Variants in PCDH11X observed in about 807,000 individuals in gnomAD.
The protein encoded by PCDH11X is protocadherin-11 X-linked.
Under a neutral mutation model 53.3 loss-of-function variants are expected in PCDH11X, and 18 were observed. That is an observed-to-expected ratio of 0.34 (90% confidence interval 0.23 to 0.50). PCDH11X has a LOEUF of 0.50. PCDH11X is among the 20% of genes least tolerant of loss of function. The pLI, the probability that PCDH11X is intolerant of heterozygous loss-of-function variation, is 0.98. For missense variants in PCDH11X, 570 were observed against 1,032.4 expected (o/e 0.55, Z 6.14); for synonymous variants, 279 against 393.3 (o/e 0.71, Z 3.44).
At chrX:92,271,397 C>T (rs1439488973) in intron 8 of PCDH11X, among the ~76,000 whole-genome samples, 2 of 111,657 alleles carry the variant, frequency 1.8e-5, no homozygotes, top group Non-Finnish European at 3.8e-5. Flanking sequence ...AAGGCACAAA[C>T]AAAGCAAGAA....
intron 6 of PCDH11X, among the ~76,000 whole-genome samples, chrX:91,972,624 T>C (rs2061980427): frequency 9.4e-6 from 1 of 106,260 alleles, no homozygotes; most frequent in African/African-American, 3.4e-5. Context: ...TTGATTTTTG[T>C]ATAAGGTGTA....
At chrX:92,524,428 C>T (rs947178047) in intron 10 of PCDH11X, among the ~76,000 whole-genome samples, 3 of 102,004 alleles carry the variant, frequency 2.9e-5, no homozygotes, top group Non-Finnish European at 4.0e-5. Context: ...TATAGTAAAA[C>T]GAATGAGACA....
chrX:92,618,995 G>T lies in PCDH11X; in HGVS notation c.*55G>T, dbSNP rs1928295276. Reference sequence around the variant, plus strand: ...AAAGATGTATATAGTCAAAATTTAAGATACAATTCCAATGAGTATTCTGAT... The same window carrying T: ...AAAGATGTATATAGTCAAAATTTAATATACAATTCCAATGAGTATTCTGAT... On this transcript the variant is annotated 3_prime_UTR_variant, in exon 11 of 11. Transcript: ENST00000682573. 9.1e-7 allele frequency: 1 copy of T among 1,095,812 alleles called. No individual in the cohort carries two copies. The highest frequency in any genetic ancestry group is 1.9e-5 in the South Asian group (1 of 53,230). The allele number at this position is 1,095,812 out of a possible 1,213,427, so 90.3% of individuals were successfully genotyped here.
chrX:92,048,008 A>G (rs957889957), intron 6 of PCDH11X, among the ~76,000 whole-genome samples: 9 of 111,118 alleles, frequency 8.1e-5, no homozygotes, highest in African/African-American at 2.9e-4. Context: ...CTTGCTGATG[A>G]CTTTTTTCAG....
chrX:92,030,050 C>A (rs1186681328), intron 6 of PCDH11X, among the ~76,000 whole-genome samples: 1 of 112,026 alleles, frequency 8.9e-6, no homozygotes, highest in East Asian at 2.8e-4. Flanking sequence ...ACAACCTCCA[C>A]CTCCCAGGTT....
chrX:91,924,768 G>C (rs1446418371), intron 6 of PCDH11X, among the ~76,000 whole-genome samples: 1 of 110,495 alleles, frequency 9.1e-6, no homozygotes, highest in Non-Finnish European at 1.9e-5. Flanking sequence ...TGTTTAGCTG[G>C]TTTAAGCACA....
intron 8 of PCDH11X, among the ~76,000 whole-genome samples, chrX:92,352,381 C>A (rs761822080): frequency 9.9e-5 from 11 of 111,081 alleles, no homozygotes; most frequent in Non-Finnish European, 1.7e-4. Context: ...AGATTTCTCC[C>A]CTCATATCTT....
At chrX:92,000,530 G>A (rs1430626195) in intron 6 of PCDH11X, among the ~76,000 whole-genome samples, 1 of 104,840 alleles carries the variant, frequency 9.5e-6, no homozygotes, top group Non-Finnish European at 2.0e-5. Context: ...ATGTCATAGA[G>A]AAGGGAGTAT....
At chrX:92,212,408 T>A (rs187280560) in intron 7 of PCDH11X, among the ~76,000 whole-genome samples, 623 of 111,793 alleles carry the variant, frequency 5.6e-3, no homozygotes, top group Non-Finnish European at 8.4e-3. Context: ...TGGAGTGCAA[T>A]GGCACTATCT....
chrX:91,942,863 T>C (rs1166477688), intron 6 of PCDH11X, among the ~76,000 whole-genome samples: 17 of 110,317 alleles, frequency 1.5e-4, no homozygotes, highest in Admixed American at 2.9e-4. Flanking sequence ...CATTTGCAAG[T>C]GATGTTTATT....
At chrX:91,937,690 C>G (rs917088942) in intron 6 of PCDH11X, among the ~76,000 whole-genome samples, 2 of 110,974 alleles carry the variant, frequency 1.8e-5, no homozygotes, top group Non-Finnish European at 3.8e-5. Context: ...TTCAAAACAT[C>G]ATTACACTGT....
At chrX:92,407,401 A>T (rs938203868) in intron 9 of PCDH11X, among the ~76,000 whole-genome samples, 41 of 107,901 alleles carry the variant, frequency 3.8e-4, no homozygotes, top group African/African-American at 1.4e-3. Context: ...TGAAGTCTCT[A>T]AGTAGTACAA....
At position 92,309,674 on chromosome X, in the gene PCDH11X, A is replaced by G. The variant is rs542997927; in HGVS notation, c.3144+46531A>G. Among the ~76,000 whole-genome samples the G allele has an allele frequency of 8.9e-5, 10 of 112,016 alleles. No individual in the cohort carries two copies. The South Asian group carries it at 3.7e-3, about 42-fold the overall frequency. Reference sequence around the variant, plus strand: ...TAAATTTTATGTTATATTTTTTCACAATGAAAGAAACAAATTTACAACAAA... The same window carrying G: ...TAAATTTTATGTTATATTTTTTCACGATGAAAGAAACAAATTTACAACAAA... On this transcript the variant is annotated intron_variant, in intron 8 of 10. Coordinates refer to ENST00000682573, the MANE Select transcript of PCDH11X (RefSeq NM_032968.5).
At chrX:91,822,131 T>C (rs1936711988) in intron 4 of PCDH11X, among the ~76,000 whole-genome samples, 1 of 110,305 alleles carries the variant, frequency 9.1e-6, no homozygotes, top group South Asian at 3.8e-4. Context: ...TGGTCTAAAA[T>C]TCTCTTTTTT....
At chrX:92,263,038 T>A in intron 7 of PCDH11X, 76 bp from the exon 8 acceptor site, 1 of 1,107,937 alleles carries the variant, frequency 9.0e-7, no homozygotes, top group Admixed American at 3.4e-5. Flanking sequence ...GTATTTGCAG[T>A]AACCAAATTT....
intron 6 of PCDH11X, among the ~76,000 whole-genome samples, chrX:92,037,173 T>C (rs2063138781): frequency 9.0e-6 from 1 of 111,231 alleles, no homozygotes; most frequent in Non-Finnish European, 1.9e-5. Context: ...AAGCCTCGCA[T>C]GCATTAGCTA....
intron 10 of PCDH11X, among the ~76,000 whole-genome samples, chrX:92,499,077 C>T (rs2073911333): frequency 9.8e-6 from 1 of 102,237 alleles, no homozygotes; most frequent in Non-Finnish European, 2.0e-5. Context: ...CTTGAAAATT[C>T]TTCCTAAATC....
chrX:92,345,582 A>G (rs1267246817), intron 8 of PCDH11X, among the ~76,000 whole-genome samples: 1 of 111,667 alleles, frequency 9.0e-6, no homozygotes, highest in Non-Finnish European at 1.9e-5. Flanking sequence ...ATTTTATTAA[A>G]TCCAGAATAA....
At chrX:92,603,905 T>C (rs1350982212) in intron 10 of PCDH11X, among the ~76,000 whole-genome samples, 7 of 106,961 alleles carry the variant, frequency 6.5e-5, no homozygotes, top group Non-Finnish European at 1.4e-4. Context: ...TTTCTCCTCT[T>C]AATGAATTTG....
Sources: gnomAD v4.1 joint callset for allele counts (sites outside exome capture counted in the v4.1 genomes callset) on GRCh38, gnomAD v4.1.1 for gene constraint, MANE v1.5 for transcripts, NCBI Gene and HGNC (gene_info 2026-07-23, HGNC 2026-07-21) for gene names.